The following FSTL4 variants were observed in gnomAD, a reference collection of about 807,000 sequenced individuals.
The protein encoded by FSTL4 is follistatin-related protein 4.
In FSTL4, 28 loss-of-function variants were observed where a neutral mutation model predicts 78.2. The ratio of observed to expected loss-of-function variants is 0.36; its 90% CI spans 0.27 to 0.49. The LOEUF (loss-of-function observed/expected upper bound fraction) is 0.49, where lower values mean the gene tolerates loss of function less well. Among genes scored for constraint, FSTL4 ranks in the 20% least tolerant of loss-of-function variants. FSTL4 has a pLI of 0.98. For synonymous variants in FSTL4, 422 were observed against 440.5 expected, an observed-to-expected ratio of 0.96 and a Z score of 0.53; for missense variants, 922 against 1,084.9, an observed-to-expected ratio of 0.85 and a Z score of 2.11.
At chr5:133,333,518 A>G (rs1409060358) in intron 4 of FSTL4, among the ~76,000 whole-genome samples, 3 of 152,096 alleles carry the variant, frequency 2.0e-5, no homozygotes, top group Admixed American at 2.0e-4. Context: ...GGCAAATCTT[A>G]TTGTCACTAA....
At chr5:133,320,189 GCA>G (rs1211743868) in intron 4 of FSTL4, among the ~76,000 whole-genome samples, 1 of 152,196 alleles carries the variant, frequency 6.6e-6, no homozygotes, top group Non-Finnish European at 1.5e-5. Flanking sequence ...CCCCAAAGCT[GCA>G]GCCTCCAGCT....
At chr5:133,782,714 G>T in the FSTL4 span, among the ~76,000 whole-genome samples, 1 of 152,320 alleles carries the variant, frequency 6.6e-6, no homozygotes, top group East Asian at 1.9e-4. Flanking sequence ...CCAAGACCCA[G>T]GATACTGTAG....
chr5:133,353,723 C>T (rs1002414927), intron 4 of FSTL4, among the ~76,000 whole-genome samples: 2 of 152,254 alleles, frequency 1.3e-5, no homozygotes, highest in Non-Finnish European at 2.9e-5. Context: ...TAACTGTACA[C>T]AAGCGCACAC....
At chr5:133,459,424 C>T (rs902168259) in intron 3 of FSTL4, among the ~76,000 whole-genome samples, 2 of 151,820 alleles carry the variant, frequency 1.3e-5, no homozygotes, top group Non-Finnish European at 2.9e-5. Context: ...TTAAATATGA[C>T]GAGGATTAGA....
At chr5:133,725,929 G>T in the FSTL4 span, among the ~76,000 whole-genome samples, 1 of 152,164 alleles carries the variant, frequency 6.6e-6, no homozygotes, top group East Asian at 1.9e-4. Context: ...TCATTCTTGA[G>T]TTAAAGCGTG....
the FSTL4 span, among the ~76,000 whole-genome samples, chr5:133,815,455 C>T: frequency 3.3e-5 from 5 of 152,276 alleles, no homozygotes; most frequent in African/African-American, 1.2e-4. Flanking sequence ...AAGCCTGAGG[C>T]TTTCTGGACT....
the FSTL4 span, among the ~76,000 whole-genome samples, chr5:133,620,230 A>G: frequency 2.0e-5 from 3 of 152,168 alleles, no homozygotes; most frequent in East Asian, 5.8e-4. Context: ...CATTTTATTT[A>G]TATATTTTCT....
chr5:133,684,302 G>A, the FSTL4 span, among the ~76,000 whole-genome samples: 7 of 152,172 alleles, frequency 4.6e-5, no homozygotes, highest in African/African-American at 1.2e-4. Flanking sequence ...CCCGACCCTC[G>A]CAGGTCAATG....
chr5:133,825,705 C>T, the FSTL4 span, among the ~76,000 whole-genome samples: 5 of 152,218 alleles, frequency 3.3e-5, no homozygotes, highest in South Asian at 8.3e-4. Context: ...TGCTTGAGTG[C>T]CCTCGGTCTG....
chr5:133,378,143 C>A lies in FSTL4; in HGVS notation c.409+22595G>T, dbSNP rs142503503. On this transcript the variant is annotated intron_variant, in intron 4 of 15. Coordinates refer to ENST00000265342, the MANE Select transcript of FSTL4 (RefSeq NM_015082.2). ...CCCACTCTACAAAAGGTGAAAGAAG[C>A]TTTTTAGGCTGAAAGCAAGTGACCC... 3.0e-3 allele frequency among the ~76,000 whole-genome samples: 464 copies of A among 152,186 alleles called. 1 individual carries two copies. The highest frequency in any genetic ancestry group is 6.8e-3 in the Middle Eastern group (2 of 294).
intron 13 of FSTL4, chr5:133,210,879 C>T (rs1750687105): frequency 6.6e-6 from 1 of 152,250 alleles, no homozygotes. Context: ...AAAGTCTGAA[C>T]ACAGAGGCTA....
chr5:133,816,815 T>C, the FSTL4 span, among the ~76,000 whole-genome samples: 1 of 152,218 alleles, frequency 6.6e-6, no homozygotes, highest in South Asian at 2.1e-4. Flanking sequence ...CTCTCTTACC[T>C]GAGCTCTGGA....
intron 2 of FSTL4, among the ~76,000 whole-genome samples, chr5:133,599,421 T>A (rs149431891): frequency 6.6e-6 from 1 of 152,198 alleles, no homozygotes; most frequent in East Asian, 1.9e-4. Context: ...CTGACACCAC[T>A]CCACATATTT....
chr5:133,387,080 C>T (rs180748908), intron 4 of FSTL4, among the ~76,000 whole-genome samples: 33 of 152,278 alleles, frequency 2.2e-4, no homozygotes, highest in Non-Finnish European at 2.4e-4. Flanking sequence ...GGAATGCAGC[C>T]ATAACATCAG....
intron 3 of FSTL4, among the ~76,000 whole-genome samples, chr5:133,476,518 TA>T (rs1757927700): frequency 6.6e-6 from 1 of 152,150 alleles, no homozygotes; most frequent in African/African-American, 2.4e-5. Context: ...TAAGCAGGTG[TA>T]AATATTCATG....
At chr5:133,203,144 A>AACTT (rs1355376552) in intron 14 of FSTL4, among the ~76,000 whole-genome samples, 2 of 152,216 alleles carry the variant, frequency 1.3e-5, no homozygotes, top group African/African-American at 4.8e-5. Flanking sequence ...GGGCTTAGCC[A>AACTT]ACTTACAGGC....
At chr5:133,672,717 T>C in the FSTL4 span, among the ~76,000 whole-genome samples, 3,902 of 152,222 alleles carry the variant, frequency 0.026, 173 homozygotes, top group African/African-American at 0.088. Context: ...CTGCCACAGC[T>C]CTCCAGAGCT....
chr5:133,249,580 CAGAGGGAAAGGAGGAGGCACG>C lies in FSTL4; in HGVS notation c.728-25_728-5del. 6.2e-7 allele frequency: 1 copy of C among 1,607,724 alleles called. No individual in the cohort carries two copies. Among genetic ancestry groups the C allele is most frequent in the African/African-American group, 1.3e-5 (1 of 74,934 alleles). On this transcript the variant is annotated splice_region_variant and splice_polypyrimidine_tract_variant and intron_variant, in intron 6 of 15. Transcript: ENST00000265342. ...GCGAGGCTGAGCTGAACCACTTCTGCAGAGGGAAAGGAGGAGGCACGGTCAGGTGCAGGCCCAGGGATTGGA... is the reference window on the plus strand; with the variant it reads ...GCGAGGCTGAGCTGAACCACTTCTGCGTCAGGTGCAGGCCCAGGGATTGGA...
At chr5:133,437,236 C>T (rs1757051290) in intron 3 of FSTL4, among the ~76,000 whole-genome samples, 1 of 152,128 alleles carries the variant, frequency 6.6e-6, no homozygotes, top group Non-Finnish European at 1.5e-5. Flanking sequence ...CACTCAAGTG[C>T]CTTTGTCAAG....
Sources: allele counts gnomAD v4.1 joint callset (sites outside exome capture counted in the v4.1 genomes callset), GRCh38; gene constraint gnomAD v4.1.1; transcripts MANE v1.5; gene names NCBI Gene and HGNC (gene_info 2026-07-23, HGNC 2026-07-21).